EDARADD: variants seen among roughly 807,000 people sequenced by gnomAD.
The protein encoded by EDARADD is ectodysplasin-A receptor-associated adapter protein.
EDARADD carries 20 observed loss-of-function variants against 25.6 expected under a neutral mutation model. The ratio of observed to expected loss-of-function variants is 0.78; its 90% CI spans 0.55 to 1.14. The LOEUF is 1.14. Among genes scored for constraint, EDARADD ranks in the 50% most tolerant of loss-of-function variants. The pLI is 0.00. For synonymous variants in EDARADD, 86 were observed against 94.4 expected, an observed-to-expected ratio of 0.91 and a Z score of 0.52; for missense variants, 225 against 270.1, an observed-to-expected ratio of 0.83 and a Z score of 1.17.
chr1:236,433,057 T>C (rs1658149657), intron 4 of EDARADD, among the ~76,000 whole-genome samples: 1 of 152,124 alleles, frequency 6.6e-6, no homozygotes, highest in Middle Eastern at 3.2e-3. Flanking sequence ...ATAGGATATA[T>C]ATATAGGAAT....
chr1:236,395,322 G>A lies in EDARADD; in HGVS notation c.61+817G>A. ...GGACGCCCGGGACACTCGGGGCCCC[G>A]CCTTGCGTCCCAGCCCCGGGTCGCG... On this transcript the variant is annotated intron_variant, in intron 1 of 5. Coordinates refer to ENST00000334232, the MANE Select transcript of EDARADD (RefSeq NM_145861.4). This position sits in a 1 kb window ranked among gnomAD's most constrained non-coding sequence, Gnocchi z 6.9. 1 of 1,281,756 alleles carries A rather than the reference G, an allele frequency of 7.8e-7. No homozygotes were observed. The highest frequency in any genetic ancestry group is 3.9e-5 in the East Asian group (1 of 25,864). 79.4% of individuals were successfully genotyped at this position (1,281,756 alleles called of 1,614,324 possible).
At chr1:236,402,830 A>G (rs1156606555) in intron 1 of EDARADD, among the ~76,000 whole-genome samples, 1 of 152,176 alleles carries the variant, frequency 6.6e-6, no homozygotes, top group Admixed American at 6.5e-5. Flanking sequence ...TGGATACTCA[A>G]TGTGTGAAAA....
At position 236,482,406 on chromosome 1, in the gene EDARADD, G is replaced by A. The variant is rs777172467; in HGVS notation, c.405G>A (p.Thr135=). 5.7e-5 allele frequency: 92 copies of A among 1,614,036 alleles called. 1 individual carries two copies. In the South Asian group the frequency reaches 5.9e-4, roughly 10 times the overall value. Residue 135 remains threonine, a synonymous_variant, in exon 6 of 6, where the codon ACG becomes ACA. Transcript: ENST00000334232. ...TAAAGCTGGATCCGTGTCACCCAACGGTGAAAAACTGGAGGAATTTTGCAA... is the reference window on the plus strand; with the variant it reads ...TAAAGCTGGATCCGTGTCACCCAACAGTGAAAAACTGGAGGAATTTTGCAA... The part of the protein sequence containing the change: ...IRIKLDPCHP[T]VKNWRNFASK...
chr1:236,401,918 ACTCACCTT>A (rs1402317320), intron 1 of EDARADD, among the ~76,000 whole-genome samples: 1 of 152,118 alleles, frequency 6.6e-6, no homozygotes, highest in Non-Finnish European at 1.5e-5. Flanking sequence ...ACACACAGAC[ACTCACCTT>A]CTCAAGAGAG....
chr1:236,466,892 C>G (rs1659207550), intron 4 of EDARADD, among the ~76,000 whole-genome samples: 1 of 152,112 alleles, frequency 6.6e-6, no homozygotes, highest in Non-Finnish European at 1.5e-5. Flanking sequence ...CATGGTGAAA[C>G]CCTGTCTCTG....
chr1:236,435,027 G>A (rs1262606626), intron 4 of EDARADD, among the ~76,000 whole-genome samples: 6 of 152,198 alleles, frequency 3.9e-5, no homozygotes, highest in African/African-American at 1.4e-4. Flanking sequence ...TTTGGGGTAT[G>A]TGAGATTTGT....
intron 3 of EDARADD, among the ~76,000 whole-genome samples, chr1:236,383,876 T>C (rs907066095): frequency 6.6e-6 from 1 of 151,904 alleles, no homozygotes; most frequent in Non-Finnish European, 1.5e-5. Context: ...GTGGCACATG[T>C]TTGTGGTCCC....
chr1:236,390,126 G>T (rs1161548628), upstream of EDARADD, among the ~76,000 whole-genome samples: 3 of 152,186 alleles, frequency 2.0e-5, no homozygotes, highest in Non-Finnish European at 4.4e-5. Flanking sequence ...GGATGCAAAG[G>T]CATAAGAATG....
At chr1:236,431,639 G>GACCTTATAGACTTGTTGGA (rs1571930821) in intron 4 of EDARADD, among the ~76,000 whole-genome samples, 1 of 119,778 alleles carries the variant, frequency 8.3e-6, no homozygotes, top group Non-Finnish European at 2.1e-5. Flanking sequence ...ACCCCAGGCA[G>GACCTTATAGACTTGTTGGA]GGCCGGGCGC....
intron 2 of EDARADD, among the ~76,000 whole-genome samples, chr1:236,413,108 C>G (rs973324588): frequency 1.3e-5 from 2 of 152,192 alleles, no homozygotes; most frequent in Non-Finnish European, 2.9e-5. Context: ...AGGTGATCTG[C>G]CTGCCTCAGC....
chr1:236,395,059 AT>A lies in EDARADD; in HGVS notation c.61+557del, dbSNP rs1419629618. ...GCAGAGCCTGCTTAAAGATCAGGAA[AT>A]TTGTCTAAATATCAGATCGCCGGCG... is the stretch of plus-strand genomic sequence containing the variant. On this transcript the variant is annotated intron_variant, in intron 1 of 5. Coordinates refer to ENST00000334232, the MANE Select transcript of EDARADD (RefSeq NM_145861.4). The surrounding 1 kb of genome is among the most constrained non-coding windows in gnomAD (Gnocchi z 6.9). Among the ~76,000 whole-genome samples, 1 of 152,206 alleles carries A rather than the reference AT, an allele frequency of 6.6e-6. No homozygotes were observed. Among genetic ancestry groups the A allele is most frequent in the East Asian group, 1.9e-4 (1 of 5,196 alleles).
intron 3 of EDARADD, among the ~76,000 whole-genome samples, chr1:236,422,683 C>T (rs949485387): frequency 1.3e-5 from 2 of 152,142 alleles, no homozygotes; most frequent in Admixed American, 6.6e-5. Context: ...CACTCAGTTG[C>T]TTTGAAGGGG....
In EDARADD at chr1:236,398,690, C is replaced by A. The variant is rs1407891656; in HGVS notation, c.61+4185C>A. On this transcript the variant is annotated intron_variant, in intron 1 of 5. Transcript: ENST00000334232. The surrounding 1 kb of genome is among the most constrained non-coding windows in gnomAD (Gnocchi z 4.1). The stretch of plus-strand genomic sequence containing the variant: ...GGAAGGACCCCTGCATTCCAGCCCT[C>A]ACCCCATCCTCCACCCACCCGTTTC... Among the ~76,000 whole-genome samples, 1 of 152,226 alleles carries A rather than the reference C, an allele frequency of 6.6e-6. No homozygotes were observed. The highest frequency in any genetic ancestry group is 1.5e-5 in the Non-Finnish European group (1 of 68,038).
chr1:236,453,275 T>G (rs1402801414), intron 4 of EDARADD, among the ~76,000 whole-genome samples: 6 of 146,128 alleles, frequency 4.1e-5, no homozygotes, highest in Non-Finnish European at 9.0e-5. Context: ...AGATTCTTTT[T>G]TTCTTTTTTT....
At position 236,482,407 on chromosome 1, in the gene EDARADD, G is replaced by A; in HGVS notation, c.406G>A (p.Val136Met). 6.2e-7 allele frequency: 1 copy of A among 1,614,192 alleles called. No individual in the cohort carries two copies. Among genetic ancestry groups the A allele is most frequent in the Non-Finnish European group, 8.5e-7 (1 of 1,180,032 alleles). Residue 136 changes from valine to methionine, a missense_variant, in exon 6 of 6, where the codon GTG (valine) becomes ATG (methionine). Val to Met is a conservative substitution (Grantham distance 21). Transcript: ENST00000334232. ...AAAGCTGGATCCGTGTCACCCAACG[G>A]TGAAAAACTGGAGGAATTTTGCAAG... ...RIKLDPCHPT[V>M]KNWRNFASKW...
chr1:236,379,752 C>T (rs780586466), intron 3 of EDARADD, among the ~76,000 whole-genome samples: 9 of 151,958 alleles, frequency 5.9e-5, no homozygotes, highest in East Asian at 1.9e-4. Flanking sequence ...TGCACTCCAG[C>T]CTGGGCGACA....
chr1:236,461,012 G>T (rs530452855), intron 4 of EDARADD, among the ~76,000 whole-genome samples: 2 of 152,120 alleles, frequency 1.3e-5, no homozygotes, highest in African/African-American at 4.8e-5. Flanking sequence ...AGTAAAGACG[G>T]GGTTTCATCG....
intron 3 of EDARADD, among the ~76,000 whole-genome samples, chr1:236,361,226 T>C (rs1252610038): frequency 6.6e-6 from 1 of 152,156 alleles, no homozygotes; most frequent in Non-Finnish European, 1.5e-5. Context: ...GTAATCCCTT[T>C]CCCCTACGCC....
intron 1 of EDARADD, among the ~76,000 whole-genome samples, chr1:236,408,474 G>A (rs1444739719): frequency 6.6e-6 from 1 of 152,182 alleles, no homozygotes; most frequent in African/African-American, 2.4e-5. Flanking sequence ...AAAGTGCTGG[G>A]ATTACAGGCG....
Sources: allele counts gnomAD v4.1 joint callset (sites outside exome capture counted in the v4.1 genomes callset), GRCh38; gene constraint gnomAD v4.1.1; non-coding constraint Gnocchi (gnomAD v3.1); transcripts MANE v1.5; gene names NCBI Gene and HGNC (gene_info 2026-07-23, HGNC 2026-07-21).